Variants in PTPRE observed in about 807,000 individuals in gnomAD.
PTPRE encodes the protein protein tyrosine phosphatase receptor type E, also known as receptor-type tyrosine-protein phosphatase epsilon.
PTPRE carries 51 observed loss-of-function variants against 102.0 expected under a neutral mutation model. The observed-to-expected ratio is 0.50, with a 90% CI of 0.40 to 0.63. The LOEUF is 0.63. PTPRE is among the 30% of genes least tolerant of loss of function. The probability of loss-of-function intolerance (pLI) is 0.00; values close to 1 mark genes in which losing one functional copy is unlikely to be tolerated. For missense variants in PTPRE, 752 were observed against 915.1 expected (o/e 0.82, Z 2.30); for synonymous variants, 345 against 348.2 (o/e 0.99, Z 0.10).
At position 127,907,443 on chromosome 10, in the gene PTPRE, C is replaced by T. The variant is rs947649235; in HGVS notation, c.-31+134C>T. 421 of 639,248 alleles carry T rather than the reference C, an allele frequency of 6.6e-4. No homozygotes were observed. The highest frequency in any genetic ancestry group is 5.4e-3 in the African/African-American group (269 of 50,158). 39.6% of individuals were successfully genotyped at this position (639,248 alleles called of 1,614,324 possible). A position where few individuals can be genotyped will look rare whatever the true frequency, so the allele number is the denominator to read the frequency against. ...GCCGCTCCGGGGCTCAGAGTCCGGA[C>T]CCCGGCCCCGCCGCCCCCGCGGCGC... is the stretch of plus-strand genomic sequence containing the variant. On this transcript the variant is annotated intron_variant, in intron 1 of 20. Coordinates refer to ENST00000254667, the MANE Select transcript of PTPRE (RefSeq NM_006504.6). The surrounding 1 kb of genome is among the most constrained non-coding windows in gnomAD (Gnocchi z 4.8).
chr10:128,021,470 C>A lies in PTPRE; in HGVS notation c.-7-19405C>A, dbSNP rs77597048. Among the ~76,000 whole-genome samples, 88 of 152,316 alleles carry A rather than the reference C, an allele frequency of 5.8e-4. 2 individuals carry two copies. The East Asian group carries it at 0.016, about 27-fold the overall frequency. On this transcript the variant is annotated intron_variant, in intron 2 of 20. Coordinates refer to ENST00000254667, the MANE Select transcript of PTPRE (RefSeq NM_006504.6). ...ATGGACTCTGAGTACAACTGTGTAG[C>A]CTCAGGTTGCCTTCAGCATCCAGGC...
chr10:127,910,779 A>G (rs921304549), intron 1 of PTPRE, among the ~76,000 whole-genome samples: 29 of 152,212 alleles, frequency 1.9e-4, no homozygotes, highest in African/African-American at 6.0e-4. Context: ...TGCATTGCAC[A>G]TGTAAGAATC....
rs574421045 is a variant in PTPRE at position 127,988,636 on chromosome 10, T to G, written c.-8+6340T>G. Among the ~76,000 whole-genome samples, 5 of 152,032 alleles carry G rather than the reference T, an allele frequency of 3.3e-5. No individual in the cohort carries two copies. The South Asian group carries it at 1.0e-3, about 32-fold the overall frequency. On this transcript the variant is annotated intron_variant, in intron 2 of 20. Transcript: ENST00000254667. Reference sequence around the variant, plus strand: ...GACTTTTTAAAGCTGCTCATACACATGAACATAAAGATGGAAACAACAGAT... The same window carrying G: ...GACTTTTTAAAGCTGCTCATACACAGGAACATAAAGATGGAAACAACAGAT...
At chr10:128,058,508 A>T (rs914256829) in intron 7 of PTPRE, among the ~76,000 whole-genome samples, 7 of 152,168 alleles carry the variant, frequency 4.6e-5, no homozygotes, top group Non-Finnish European at 1.0e-4. Flanking sequence ...AGGACGTGGC[A>T]CTTCTCACAT....
At chr10:127,912,049 T>C (rs1340552660) in intron 1 of PTPRE, among the ~76,000 whole-genome samples, 2 of 152,154 alleles carry the variant, frequency 1.3e-5, no homozygotes, top group African/African-American at 4.8e-5. Flanking sequence ...AGGAGACCCC[T>C]GGTTTGGGGA....
intron 3 of PTPRE, among the ~76,000 whole-genome samples, chr10:128,045,152 G>A (rs1415869192): frequency 1.3e-5 from 2 of 152,256 alleles, no homozygotes; most frequent in African/African-American, 4.8e-5. Flanking sequence ...TAGCTACTAA[G>A]AAACACCAGG....
chr10:128,064,490 C>T (rs1184015223), intron 10 of PTPRE, among the ~76,000 whole-genome samples: 5 of 152,352 alleles, frequency 3.3e-5, no homozygotes, highest in African/African-American at 4.8e-5. Context: ...AGGACACCCA[C>T]GCGAGGGAAA....
Position 128,070,907 on chromosome 10 carries a change from G to A in PTPRE, c.1387+6G>A. ...GGTCATCCAGATCATCCCGTGTAAG[G>A]CACCCGTGGCGTGGCTTGGGCAGGG... On this transcript the variant is annotated splice_donor_region_variant and intron_variant, in intron 15 of 20. Transcript: ENST00000254667. This position sits in a 1 kb window ranked among gnomAD's most constrained non-coding sequence, Gnocchi z 4.8. 1 of 1,612,146 alleles carries A rather than the reference G, an allele frequency of 6.2e-7. No homozygotes were observed. The highest frequency in any genetic ancestry group is 8.5e-7 in the Non-Finnish European group (1 of 1,178,234).
chr10:128,056,864 C>G (rs1458577477), intron 7 of PTPRE, among the ~76,000 whole-genome samples: 1 of 151,974 alleles, frequency 6.6e-6, no homozygotes, highest in Admixed American at 6.6e-5. Context: ...CTGGGGGCAG[C>G]TTTCACAGCC....
At chr10:128,076,496 A>G in intron 17 of PTPRE, 107 bp from the exon 18 acceptor site, 1 of 1,139,292 alleles carries the variant, frequency 8.8e-7, no homozygotes, top group Non-Finnish European at 1.2e-6. Context: ...TTTTTTGGTC[A>G]GATGAAATAC....
chr10:127,983,269 G>A (rs1393725727), intron 2 of PTPRE, among the ~76,000 whole-genome samples: 1 of 152,178 alleles, frequency 6.6e-6, no homozygotes, highest in East Asian at 1.9e-4. Flanking sequence ...GATAAGGAAT[G>A]TTAAATAAAA....
chr10:127,931,787 T>C (rs2135240288), intron 1 of PTPRE, among the ~76,000 whole-genome samples: 1 of 152,364 alleles, frequency 6.6e-6, no homozygotes, highest in Admixed American at 6.5e-5. Context: ...TTTATCATCA[T>C]TTATCATGCA....
chr10:128,071,608 T>TGGGA (rs1246647328), intron 15 of PTPRE: 1 of 154,878 alleles, frequency 6.5e-6, no homozygotes, highest in Non-Finnish European at 1.4e-5. Flanking sequence ...GGGAGGGAGG[T>TGGGA]GGGAGATGCC....
chr10:128,046,191 G>A (rs1183275504), intron 3 of PTPRE, among the ~76,000 whole-genome samples: 1 of 152,210 alleles, frequency 6.6e-6, no homozygotes, highest in Non-Finnish European at 1.5e-5. Context: ...CACCTTCCCT[G>A]GGGAGTTTAT....
At chr10:127,963,701 C>T (rs576251361) in intron 1 of PTPRE, among the ~76,000 whole-genome samples, 94 of 152,074 alleles carry the variant, frequency 6.2e-4, no homozygotes, top group Non-Finnish European at 9.0e-4. Flanking sequence ...TGCATGCGTG[C>T]GTGCACACAC....
At chr10:127,982,405 C>A in intron 2 of PTPRE, 109 bp downstream of exon 2, 1 of 763,586 alleles carries the variant, frequency 1.3e-6, no homozygotes, top group South Asian at 1.7e-5. Flanking sequence ...GAAAGAAAGC[C>A]ATATGGTCAG....
chr10:128,070,216 C>A lies in PTPRE; in HGVS notation c.1144-85C>A. On this transcript the variant is annotated intron_variant, in intron 13 of 20. Coordinates refer to ENST00000254667, the MANE Select transcript of PTPRE (RefSeq NM_006504.6). The surrounding 1 kb of genome is among the most constrained non-coding windows in gnomAD (Gnocchi z 4.8). ...TGGCAAAAAGAGAAAAAGAAGAAAGCCGCCCTCTTTGGTCTGCCAAGCTCC... is the reference window on the plus strand; with the variant it reads ...TGGCAAAAAGAGAAAAAGAAGAAAGACGCCCTCTTTGGTCTGCCAAGCTCC... 1 of 1,458,232 alleles carries A rather than the reference C, an allele frequency of 6.9e-7. No homozygotes were observed. Among genetic ancestry groups the A allele is most frequent in the Non-Finnish European group, 9.2e-7 (1 of 1,082,742 alleles). 90.3% of individuals were successfully genotyped at this position (1,458,232 alleles called of 1,614,324 possible).
intron 1 of PTPRE, among the ~76,000 whole-genome samples, chr10:127,935,273 G>A (rs1309040760): frequency 1.3e-5 from 2 of 152,170 alleles, no homozygotes; most frequent in African/African-American, 4.8e-5. Context: ...TTTGCTGGCG[G>A]CAGGATGCGG....
rs149259740 is a variant in PTPRE at position 127,926,906 on chromosome 10, G to A, written c.-31+19597G>A. Among the ~76,000 whole-genome samples the A allele has an allele frequency of 2.6e-3, 381 of 147,674 alleles. 16 individuals are homozygous for A. In the East Asian group the frequency reaches 0.07, roughly 27 times the overall value. The stretch of plus-strand genomic sequence containing the variant: ...AGCTCACTGTAACCTCTGCCTCCCA[G>A]GTTCAAGCAATTCTCCTGCCTCAGC... On this transcript the variant is annotated intron_variant, in intron 1 of 20. Transcript: ENST00000254667.
Sources: gnomAD v4.1 joint callset for allele counts (sites outside exome capture counted in the v4.1 genomes callset) on GRCh38, gnomAD v4.1.1 for gene constraint, Gnocchi (gnomAD v3.1) non-coding constraint, MANE v1.5 for transcripts, NCBI Gene and HGNC (gene_info 2026-07-23, HGNC 2026-07-21) for gene names.